The following XPO4 variants were observed in gnomAD, a reference collection of about 807,000 sequenced individuals.
The protein encoded by XPO4 is exportin-4.
In XPO4, 39 loss-of-function variants were observed where a neutral mutation model predicts 143.0. The ratio of observed to expected loss-of-function variants is 0.27; its 90% confidence interval spans 0.21 to 0.36. The LOEUF (loss-of-function observed/expected upper bound fraction) is 0.36, where lower values mean the gene tolerates loss of function less well. Among genes scored for constraint, XPO4 ranks in the 10% least tolerant of loss-of-function variants. The pLI, the probability that XPO4 is intolerant of heterozygous loss-of-function variation, is 1.00. For synonymous variants in XPO4, 439 were observed against 474.0 expected, an observed-to-expected ratio of 0.93 and a Z score of 0.96; for missense variants, 907 against 1,348.0, an observed-to-expected ratio of 0.67 and a Z score of 5.12.
chr13:20,874,788 T>C (rs2060335825), intron 1 of XPO4, among the ~76,000 whole-genome samples: 1 of 152,070 alleles, frequency 6.6e-6, no homozygotes, highest in Non-Finnish European at 1.5e-5. Context: ...AGGTCAGGAG[T>C]TCGAGACCAG....
At chr13:20,876,304 C>T (rs1363859052) in intron 1 of XPO4, among the ~76,000 whole-genome samples, 1 of 146,684 alleles carries the variant, frequency 6.8e-6, no homozygotes, top group Non-Finnish European at 1.5e-5. Flanking sequence ...GGGGGTAATA[C>T]CCAACTAAAT....
Position 20,800,145 on chromosome 13 carries a change from A to C in XPO4, c.2147+11T>G. 1 of 1,613,826 alleles carries C rather than the reference A, an allele frequency of 6.2e-7. No homozygotes were observed. The highest frequency in any genetic ancestry group is 8.5e-7 in the Non-Finnish European group (1 of 1,179,814). ...CATACACACACAGTCAGCCTCCAAC[A>C]ATGGGCTAACCTTTCTCTTCTTTCC... On this transcript the variant is annotated intron_variant, in intron 15 of 22. Transcript: ENST00000255305.
chr13:20,902,160 G>T (rs955120336), intron 1 of XPO4: 3 of 985,160 alleles, frequency 3.0e-6, no homozygotes, highest in Admixed American at 6.2e-5. Context: ...ACGTGCTGCC[G>T]GCTGCAATTA....
chr13:20,844,953 C>A (rs2060016186), intron 4 of XPO4, among the ~76,000 whole-genome samples: 2 of 152,182 alleles, frequency 1.3e-5, no homozygotes, highest in South Asian at 4.1e-4. Context: ...AGGCAATCAC[C>A]TGAGGTCAGG....
intron 4 of XPO4, chr13:20,850,085 G>A (rs1269546096): frequency 2.3e-5 from 23 of 979,240 alleles, no homozygotes; most frequent in Non-Finnish European, 2.8e-5. Flanking sequence ...CAGCCTGGGC[G>A]ACAGAGCAAG....
chr13:20,833,414 T>C (rs2059876974), intron 6 of XPO4, among the ~76,000 whole-genome samples: 1 of 152,162 alleles, frequency 6.6e-6, no homozygotes, highest in Non-Finnish European at 1.5e-5. Flanking sequence ...GAGTCTCTGA[T>C]ATAAAATGGC....
In XPO4 at chr13:20,862,746, G is replaced by T; in HGVS notation, c.288C>A (p.Phe96Leu). ...EKGSIESLRT[F>L]LLTYVLQRPN... is the part of the protein sequence containing the mutation. ...GCCTTTGTAAGACATAGGTTAAAAG[G>T]AATGTTCGCAGAGACTCGATGCTAC... Residue 96 changes from phenylalanine to leucine, a missense_variant, in exon 3 of 23, where the codon TTC becomes TTA. Transcript: ENST00000255305. 6.2e-7 allele frequency: 1 copy of T among 1,614,116 alleles called. No individual in the cohort carries two copies. The highest frequency in any genetic ancestry group is 8.5e-7 in the Non-Finnish European group (1 of 1,180,008).
chr13:20,823,542 G>C (rs2059745721), intron 7 of XPO4, among the ~76,000 whole-genome samples: 1 of 150,232 alleles, frequency 6.7e-6, no homozygotes, highest in Non-Finnish European at 1.5e-5. Flanking sequence ...GCCTGTTTTT[G>C]TATGGCTGTG....
Position 20,902,673 on chromosome 13 carries a change from C to T in XPO4, c.66G>A (p.Leu22=), listed in dbSNP as rs1196920310. The T allele has an allele frequency of 6.3e-7, 1 of 1,577,918 alleles. No individual in the cohort carries two copies. The highest frequency in any genetic ancestry group is 8.6e-7 in the Non-Finnish European group (1 of 1,162,648). Residue 22 remains leucine (L), a synonymous_variant, in exon 1 of 23, where the codon CTG becomes CTA. Coordinates refer to ENST00000255305, the MANE Select transcript of XPO4 (RefSeq NM_022459.5). ...CTGAGGGGCGCGGCGTCCTCACCAT[C>T]AGAACTTTAGCCGCGTTCTCCAGCT... ...IAQLENAAKV[L]MAPPSMVNNE... is the part of the protein sequence containing the mutation.
chr13:20,857,498 C>T (rs1461515362), intron 3 of XPO4, among the ~76,000 whole-genome samples: 2 of 151,926 alleles, frequency 1.3e-5, no homozygotes, highest in African/African-American at 4.8e-5. Context: ...GAGGCCAAGG[C>T]AGGCGGATTA....
chr13:20,809,289 G>A (rs904410098), intron 10 of XPO4, 64 bp from the exon 11 acceptor site: 1 of 1,562,606 alleles, frequency 6.4e-7, no homozygotes, highest in Non-Finnish European at 8.6e-7. Flanking sequence ...GCACTTCTGT[G>A]GCTCCATAAC....
intron 6 of XPO4, among the ~76,000 whole-genome samples, chr13:20,838,547 T>C (rs538574412): frequency 6.8e-6 from 1 of 147,374 alleles, no homozygotes; most frequent in Admixed American, 6.8e-5. Flanking sequence ...GAGGTGGAGA[T>C]TGTAGTGAGC....
chr13:20,843,837 C>T lies in XPO4; in HGVS notation c.506G>A (p.Ser169Asn). The T allele has an allele frequency of 6.2e-7, 1 of 1,613,444 alleles. No individual in the cohort carries two copies. Among genetic ancestry groups the T allele is most frequent in the African/African-American group, 1.3e-5 (1 of 75,048 alleles). ...TCCAATGTTGCTAGTTTTACTTGAA[C>T]TTGAAAATTCACTCAATAGCGCAGT... ...ILTALLSEFS[S>N]SSKTSNIGLS... is the part of the protein sequence containing the mutation. Residue 169 changes from serine (S) to asparagine (N), a missense_variant, in exon 5 of 23, where the codon AGT (serine) becomes AAT (asparagine). Physicochemically the swap from Ser to Asn is conservative, Grantham distance 46 (BLOSUM62 1). Coordinates refer to ENST00000255305, the MANE Select transcript of XPO4 (RefSeq NM_022459.5).
At chr13:20,881,973 G>A (rs1012348443) in intron 1 of XPO4, among the ~76,000 whole-genome samples, 2 of 151,800 alleles carry the variant, frequency 1.3e-5, no homozygotes, top group Non-Finnish European at 2.9e-5. Context: ...AACTGGGCAT[G>A]GTAGTGTATG....
chr13:20,804,798 C>A (rs1290096552), intron 13 of XPO4, among the ~76,000 whole-genome samples: 1 of 152,088 alleles, frequency 6.6e-6, no homozygotes, highest in Non-Finnish European at 1.5e-5. Flanking sequence ...GTCATAAATC[C>A]AAAGTCAGCA....
intron 6 of XPO4, among the ~76,000 whole-genome samples, chr13:20,832,098 A>G (rs1461417433): frequency 6.6e-6 from 1 of 152,156 alleles, no homozygotes; most frequent in Non-Finnish European, 1.5e-5. Flanking sequence ...AATCAAAGGC[A>G]TATATAAACA....
intron 1 of XPO4, among the ~76,000 whole-genome samples, chr13:20,882,228 T>A (rs1422138595): frequency 1.3e-5 from 2 of 151,994 alleles, no homozygotes; most frequent in African/African-American, 2.4e-5. Flanking sequence ...CCCTTCACAT[T>A]ACTATAAAGG....
chr13:20,862,686 G>A (rs553192780), intron 3 of XPO4, 31 bp downstream of exon 3: 3 of 1,612,746 alleles, frequency 1.9e-6, no homozygotes, highest in Non-Finnish European at 8.5e-7. Context: ...CTCAGCAAAA[G>A]TATTTCAGCA....
chr13:20,873,717 G>A (rs1332860071), intron 1 of XPO4, among the ~76,000 whole-genome samples: 1 of 151,998 alleles, frequency 6.6e-6, no homozygotes, highest in Non-Finnish European at 1.5e-5. Flanking sequence ...TGCAACCTCC[G>A]CCTCCCAGGT....
Sources: gnomAD v4.1 joint callset for allele counts (sites outside exome capture counted in the v4.1 genomes callset) on GRCh38, gnomAD v4.1.1 for gene constraint, MANE v1.5 for transcripts, NCBI Gene and HGNC (gene_info 2026-07-23, HGNC 2026-07-21) for gene names.